Variants in ARHGAP20 observed in about 807,000 individuals in gnomAD.
ARHGAP20 encodes the protein rho GTPase-activating protein 20.
Under a neutral mutation model 73.7 loss-of-function variants are expected in ARHGAP20, and 34 were observed. That is an observed-to-expected ratio of 0.46 (90% CI 0.35 to 0.61). ARHGAP20 has a LOEUF of 0.61. Ranked by LOEUF, ARHGAP20 falls within the 20% of genes least tolerant of loss-of-function variation. The pLI, the probability that ARHGAP20 is intolerant of heterozygous loss-of-function variation, is 0.00. For missense variants in ARHGAP20, 1,314 were observed against 1,420.9 expected (o/e 0.92, Z 1.21); for synonymous variants, 523 against 518.2 (o/e 1.01, Z -0.13).
rs2134805217 is a variant in ARHGAP20, at chr11:110,586,157, ATAATCTTATAAAATATTTT to A, written c.1415+40_1415+58del. 4 of 895,134 alleles carry A rather than the reference ATAATCTTATAAAATATTTT, an allele frequency of 4.5e-6. No homozygotes were observed. The South Asian group carries it at 1.2e-4, about 28-fold the overall frequency. 55.4% of individuals were successfully genotyped at this position (895,134 alleles called of 1,614,324 possible). On this transcript the variant is annotated intron_variant, in intron 12 of 14. Transcript: ENST00000683387. Reference sequence around the variant, plus strand: ...TTGATAGCTGTCATTATTTTAATAAATAATCTTATAAAATATTTTTAAAGTATTTTTGAGACATGACCAA... The same window carrying A: ...TTGATAGCTGTCATTATTTTAATAAATAAAGTATTTTTGAGACATGACCAA...
intron 2 of ARHGAP20, among the ~76,000 whole-genome samples, chr11:110,635,481 A>G (rs1279297266): frequency 6.6e-6 from 1 of 152,136 alleles, no homozygotes; most frequent in Non-Finnish European, 1.5e-5. Context: ...AAATTCTACA[A>G]TAGTGTATTC....
At chr11:110,629,117 T>TA (rs1414846802) in intron 3 of ARHGAP20, among the ~76,000 whole-genome samples, 2 of 152,128 alleles carry the variant, frequency 1.3e-5, no homozygotes, top group Non-Finnish European at 2.9e-5. Context: ...TTTAAGATCT[T>TA]AAAGTTTAGA....
intron 2 of ARHGAP20, among the ~76,000 whole-genome samples, chr11:110,674,264 T>C (rs1949887228): frequency 2.0e-5 from 3 of 152,332 alleles, no homozygotes; most frequent in Admixed American, 6.5e-5. Flanking sequence ...ATTAAATATC[T>C]TTATTTGTAA....
rs535541694 is a variant in ARHGAP20 at position 110,594,755 on chromosome 11, T to C, written c.965-2600A>G. Among the ~76,000 whole-genome samples the C allele has an allele frequency of 2.7e-3, 415 of 151,100 alleles. 6 individuals carry two copies. Among genetic ancestry groups the C allele is most frequent in the Admixed American group, 0.01 (152 of 15,152 alleles). ...TTCCTTCTGAAACTATTCCAATCAATAGAAAAAGAGGGAATCCTCCCTAAC... is the reference window on the plus strand; with the variant it reads ...TTCCTTCTGAAACTATTCCAATCAACAGAAAAAGAGGGAATCCTCCCTAAC... On this transcript the variant is annotated intron_variant, in intron 9 of 14. Coordinates refer to ENST00000683387, the MANE Select transcript of ARHGAP20 (RefSeq NM_001384657.1).
intron 1 of ARHGAP20, among the ~76,000 whole-genome samples, chr11:110,698,469 T>G (rs1950380131): frequency 1.3e-5 from 2 of 151,758 alleles, no homozygotes; most frequent in South Asian, 4.1e-4. Flanking sequence ...CCTCATTGGT[T>G]TTTTAGAAGT....
At chr11:110,599,958 G>A (rs1002737494) in intron 9 of ARHGAP20, among the ~76,000 whole-genome samples, 2 of 152,204 alleles carry the variant, frequency 1.3e-5, no homozygotes, top group Non-Finnish European at 2.9e-5. Flanking sequence ...CTGCAGAGAG[G>A]AGCTACCCTC....
In ARHGAP20 at chr11:110,580,461, G is replaced by C; in HGVS notation, c.2485C>G (p.Pro829Ala). 6.2e-7 allele frequency: 1 copy of C among 1,613,936 alleles called. No individual in the cohort carries two copies. Among genetic ancestry groups the C allele is most frequent in the East Asian group, 2.2e-5 (1 of 44,838 alleles). The stretch of plus-strand genomic sequence containing the variant: ...TTGAGGGCATCTGCTGTGTGTGGTG[G>C]GGAGTATCCAGATGTATTCACATCA... Reference protein sequence around the residue: ...PFDVNTSGYSPPHTADALKGP... With the variant: ...PFDVNTSGYSAPHTADALKGP... The change falls in exon 15 of 15, where the codon CCA (proline) becomes GCA (alanine). Residue 829 changes from proline (P) to alanine (A), a missense_variant. Pro to Ala is a conservative substitution (Grantham distance 27, BLOSUM62 -1). Around this residue, in one of 3 missense-constraint regions of ARHGAP20, gnomAD observed 641 missense variants for 636.9 expected, o/e 1.01. Transcript: ENST00000683387.
intron 1 of ARHGAP20, among the ~76,000 whole-genome samples, chr11:110,692,088 G>C (rs1950253980): frequency 6.6e-6 from 1 of 152,046 alleles, no homozygotes; most frequent in African/African-American, 2.4e-5. Context: ...CAATAACCTA[G>C]TTTATATATT....
At chr11:110,626,239 T>A (rs913519776) in intron 3 of ARHGAP20, among the ~76,000 whole-genome samples, 12 of 152,206 alleles carry the variant, frequency 7.9e-5, no homozygotes, top group African/African-American at 2.4e-4. Context: ...GATGCAAGTC[T>A]CTATCTCAGT....
intron 2 of ARHGAP20, among the ~76,000 whole-genome samples, chr11:110,641,379 TAAC>T (rs1189852925): frequency 6.6e-6 from 1 of 152,030 alleles, no homozygotes; most frequent in Admixed American, 6.6e-5. Flanking sequence ...AGAAGTTGTT[TAAC>T]AACATCTATT....
At position 110,698,348 on chromosome 11, in the gene ARHGAP20, C is replaced by G. The variant is rs374095034; in HGVS notation, c.106-7719G>C. Among the ~76,000 whole-genome samples the G allele has an allele frequency of 4.0e-5, 6 of 151,792 alleles. No individual in the cohort carries two copies. In the East Asian group the frequency reaches 5.8e-4, roughly 15 times the overall value. On this transcript the variant is annotated intron_variant, in intron 1 of 14. Coordinates refer to ENST00000683387, the MANE Select transcript of ARHGAP20 (RefSeq NM_001384657.1). ...AGTATTTTGTGGAGGATTTCTGCATCTACGTTCATCAGAGATATTAGCCTA... is the reference window on the plus strand; with the variant it reads ...AGTATTTTGTGGAGGATTTCTGCATGTACGTTCATCAGAGATATTAGCCTA...
At chr11:110,581,340 A>T in intron 14 of ARHGAP20, 115 bp from the exon 15 acceptor site, 1 of 1,139,644 alleles carries the variant, frequency 8.8e-7, no homozygotes, top group East Asian at 2.6e-5. Flanking sequence ...CTCTCAAGAA[A>T]GAGAGAATCT....
rs116498873 is a variant in ARHGAP20, at chr11:110,582,262, C to T, written c.1720+59G>A. The T allele has an allele frequency of 6.4e-3, 8,923 of 1,386,644 alleles. 440 individuals are homozygous for T. In the African/African-American group the frequency reaches 0.11, roughly 16 times the overall value. 85.9% of individuals were successfully genotyped at this position (1,386,644 alleles called of 1,614,324 possible). ...CTCCAGGAAAACCCCTATCCCAGCA[C>T]GTTTACAAACAACCATGTGTCTGTT... On this transcript the variant is annotated intron_variant, in intron 14 of 14. Coordinates refer to ENST00000683387, the MANE Select transcript of ARHGAP20 (RefSeq NM_001384657.1).
intron 2 of ARHGAP20, among the ~76,000 whole-genome samples, chr11:110,686,130 AATTT>A (rs1591176897): frequency 6.6e-6 from 1 of 152,150 alleles, no homozygotes; most frequent in African/African-American, 2.4e-5. Flanking sequence ...TATACTATAA[AATTT>A]ATTTAAGTTT....
intron 8 of ARHGAP20, among the ~76,000 whole-genome samples, chr11:110,608,124 G>A (rs1948277339): frequency 6.6e-6 from 1 of 152,162 alleles, no homozygotes; most frequent in African/African-American, 2.4e-5. Flanking sequence ...TTACACAGTT[G>A]TGACCTCATA....
intron 4 of ARHGAP20, among the ~76,000 whole-genome samples, chr11:110,618,616 AGTGATAGAGTATATG>A (rs1948540649): frequency 6.6e-6 from 1 of 152,230 alleles, no homozygotes; most frequent in African/African-American, 2.4e-5. Context: ...GAGTATATGC[AGTGATAGAGTATATG>A]CAGTGATAGC....
Position 110,580,762 on chromosome 11 carries a change from C to A in ARHGAP20, c.2184G>T (p.Lys728Asn). The A allele has an allele frequency of 6.2e-7, 1 of 1,613,960 alleles. No homozygotes were observed. The highest frequency in any genetic ancestry group is 8.5e-7 in the Non-Finnish European group (1 of 1,180,002). ...LREFYQKKLR[K>N]SSCDAILSQK... ...GAGAAAGAATTGCATCACAGCTGGACTTGCGTAGCTTTTTCTGATAAAACT... is the reference window on the plus strand; with the variant it reads ...GAGAAAGAATTGCATCACAGCTGGAATTGCGTAGCTTTTTCTGATAAAACT... Residue 728 changes from lysine (K) to asparagine (N), a missense_variant, in exon 15 of 15, where the codon AAG becomes AAT. Transcript: ENST00000683387.
Position 110,577,270 on chromosome 11 carries a change from A to G in ARHGAP20, c.*2100T>C. 1 of 1,403,498 alleles carries G rather than the reference A, an allele frequency of 7.1e-7. No individual in the cohort carries two copies. The highest frequency in any genetic ancestry group is 1.5e-5 in the African/African-American group (1 of 68,720). The allele number at this position is 1,403,498 out of a possible 1,614,324, so 86.9% of individuals were successfully genotyped here. On this transcript the variant is annotated 3_prime_UTR_variant, in exon 15 of 15. Coordinates refer to ENST00000683387, the MANE Select transcript of ARHGAP20 (RefSeq NM_001384657.1). Reference sequence around the variant, plus strand: ...CATCAGTCTAATATATTATAGATTGATGGAGTATAATAAAATGACATATAG... The same window carrying G: ...CATCAGTCTAATATATTATAGATTGGTGGAGTATAATAAAATGACATATAG...
chr11:110,661,698 C>T (rs1333498964), intron 2 of ARHGAP20, among the ~76,000 whole-genome samples: 1 of 151,950 alleles, frequency 6.6e-6, no homozygotes, highest in East Asian at 1.9e-4. Flanking sequence ...TTTTACTTCA[C>T]ACGAATAGAT....
Sources: gnomAD v4.1 joint callset for allele counts (sites outside exome capture counted in the v4.1 genomes callset) on GRCh38, gnomAD v4.1.1 for gene constraint, gnomAD v4.1.1 regional missense constraint, MANE v1.5 for transcripts, NCBI Gene and HGNC (gene_info 2026-07-23, HGNC 2026-07-21) for gene names.